HPSE2: variants seen among roughly 807,000 people sequenced by gnomAD.
The protein encoded by HPSE2 is inactive heparanase-2.
In HPSE2, 38 loss-of-function variants were observed where a neutral mutation model predicts 60.5. That is an observed-to-expected ratio of 0.63 (90% confidence interval 0.48 to 0.82). The LOEUF (loss-of-function observed/expected upper bound fraction) is 0.82, where lower values mean the gene tolerates loss of function less well. Ranked by LOEUF, HPSE2 falls within the 40% of genes least tolerant of loss-of-function variation. The pLI is 0.00. For missense variants in HPSE2, 713 were observed against 740.4 expected, an observed-to-expected ratio of 0.96 and a Z score of 0.43; for synonymous variants, 295 against 293.2, an observed-to-expected ratio of 1.01 and a Z score of -0.06.
intron 2 of HPSE2, among the ~76,000 whole-genome samples, chr10:99,159,018 G>C (rs1366712843): frequency 6.6e-6 from 1 of 151,862 alleles, no homozygotes; most frequent in African/African-American, 2.4e-5. Context: ...TGCTTAGAGA[G>C]AAATTTTTAT....
At chr10:98,589,113 G>C (rs909040782) in intron 9 of HPSE2, among the ~76,000 whole-genome samples, 1 of 152,180 alleles carries the variant, frequency 6.6e-6, no homozygotes, top group Admixed American at 6.6e-5. Context: ...CATAGTGTAA[G>C]GACGATGGGT....
rs188490972 is a variant in HPSE2 at position 98,752,028 on chromosome 10, A to G, written c.611-7972T>C. On this transcript the variant is annotated intron_variant, in intron 3 of 11. Coordinates refer to ENST00000370552, the MANE Select transcript of HPSE2 (RefSeq NM_021828.5). ...TTTAAACACAATTCTCAATCTTTCT[A>G]TCAGTCTATTCCATGTATATTTTGG... Among the ~76,000 whole-genome samples, 405 of 152,328 alleles carry G rather than the reference A, an allele frequency of 2.7e-3. 3 individuals carry two copies. Among genetic ancestry groups the G allele is most frequent in the South Asian group, 6.2e-3 (30 of 4,828 alleles).
At position 98,941,414 on chromosome 10, in the gene HPSE2, T is replaced by C. The variant is rs1954996562; in HGVS notation, c.611-197358A>G. On this transcript the variant is annotated intron_variant, in intron 3 of 11. Transcript: ENST00000370552. ...AGGATACAAAATCAATGTACAAAAA[T>C]CACAAGCGTTCTTATACACCAATAA... 1.5e-5 allele frequency among the ~76,000 whole-genome samples: 2 copies of C among 129,716 alleles called. 1 individual carries two copies. Among genetic ancestry groups the C allele is most frequent in the African/African-American group, 6.6e-5 (2 of 30,184 alleles). The allele number at this position is 129,716 out of a possible 152,430, so 85.1% of individuals were successfully genotyped here.
chr10:98,974,721 C>T (rs1434795931), intron 3 of HPSE2, among the ~76,000 whole-genome samples: 1 of 152,126 alleles, frequency 6.6e-6, no homozygotes, highest in Admixed American at 6.5e-5. Flanking sequence ...ATATATTCAT[C>T]ATAAAGTATC....
Position 98,579,424 on chromosome 10 carries a change from C to T in HPSE2, c.1320+35480G>A, listed in dbSNP as rs150715049. Among the ~76,000 whole-genome samples, 202 of 152,294 alleles carry T rather than the reference C, an allele frequency of 1.3e-3. 1 individual carries two copies. Among genetic ancestry groups the T allele is most frequent in the African/African-American group, 4.7e-3 (194 of 41,576 alleles). On this transcript the variant is annotated intron_variant, in intron 9 of 11. Transcript: ENST00000370552. ...GTCTTAGAACAAAAACAGAGTAAGA[C>T]TTGCCAAGGTAGTGCTCTCCATTAC... is the stretch of plus-strand genomic sequence containing the variant.
intron 9 of HPSE2, among the ~76,000 whole-genome samples, chr10:98,546,789 C>A (rs1943693341): frequency 6.6e-6 from 1 of 150,664 alleles, no homozygotes; most frequent in Non-Finnish European, 1.5e-5. Flanking sequence ...GCAACAAAAG[C>A]CAAAATTGAC....
At chr10:99,067,681 T>C (rs1339701407) in intron 3 of HPSE2, among the ~76,000 whole-genome samples, 1 of 152,194 alleles carries the variant, frequency 6.6e-6, no homozygotes, top group Non-Finnish European at 1.5e-5. Context: ...CTGGGCCTAG[T>C]CCACAAAACC....
At chr10:98,802,949 T>C (rs1950950585) in intron 3 of HPSE2, among the ~76,000 whole-genome samples, 1 of 145,990 alleles carries the variant, frequency 6.8e-6, no homozygotes. Context: ...AGTGTAAAAG[T>C]GTTCCTATTT....
chr10:98,740,323 A>C (rs777003295), intron 4 of HPSE2, among the ~76,000 whole-genome samples: 2 of 151,902 alleles, frequency 1.3e-5, no homozygotes, highest in South Asian at 4.2e-4. Flanking sequence ...TCACAGGTGC[A>C]TGCTACCACG....
chr10:99,279,453 A>C, the HPSE2 span, among the ~76,000 whole-genome samples: 1 of 152,246 alleles, frequency 6.6e-6, no homozygotes, highest in African/African-American at 2.4e-5. Flanking sequence ...TGCTTTACTA[A>C]GAGAGATTCC....
intron 3 of HPSE2, among the ~76,000 whole-genome samples, chr10:99,068,217 C>G (rs1334351404): frequency 1.3e-5 from 2 of 152,190 alleles, no homozygotes; most frequent in African/African-American, 4.8e-5. Context: ...CAGTCTCTGC[C>G]TGTTACCCAG....
chr10:98,761,296 G>A (rs575360517), intron 3 of HPSE2, among the ~76,000 whole-genome samples: 64 of 152,088 alleles, frequency 4.2e-4, no homozygotes, highest in Non-Finnish European at 8.7e-4. Flanking sequence ...AGGAAGCTAA[G>A]AGTTGGCTTT....
chr10:99,040,742 A>T (rs1318111412), intron 3 of HPSE2, among the ~76,000 whole-genome samples: 2 of 152,198 alleles, frequency 1.3e-5, no homozygotes, highest in Non-Finnish European at 2.9e-5. Flanking sequence ...TTCATCTGGA[A>T]TTTATATGTG....
intron 3 of HPSE2, among the ~76,000 whole-genome samples, chr10:99,068,282 G>A (rs763590045): frequency 2.6e-5 from 4 of 152,024 alleles, no homozygotes; most frequent in South Asian, 2.1e-4. Context: ...CCCACTACTC[G>A]GTACCAATTT....
intron 3 of HPSE2, among the ~76,000 whole-genome samples, chr10:99,020,733 C>T (rs1326971431): frequency 6.6e-6 from 1 of 152,174 alleles, no homozygotes; most frequent in South Asian, 2.1e-4. Flanking sequence ...ACAAGAAATA[C>T]AGCAGTGTCC....
chr10:98,493,527 T>A (rs532707116), intron 9 of HPSE2, among the ~76,000 whole-genome samples: 1 of 152,188 alleles, frequency 6.6e-6, no homozygotes, highest in East Asian at 1.9e-4. Flanking sequence ...ACTGAAACTT[T>A]TATTAATATA....
At chr10:98,618,057 G>A (rs1217306467) in intron 8 of HPSE2, among the ~76,000 whole-genome samples, 3 of 152,026 alleles carry the variant, frequency 2.0e-5, no homozygotes, top group Admixed American at 1.3e-4. Flanking sequence ...CCCCCGCCAC[G>A]ACAGGAAGCA....
chr10:98,490,767 C>T (rs1039210410), intron 9 of HPSE2, among the ~76,000 whole-genome samples: 2 of 152,168 alleles, frequency 1.3e-5, no homozygotes, highest in African/African-American at 2.4e-5. Flanking sequence ...TTTGCAACCA[C>T]GGTGCTAATT....
intron 3 of HPSE2, among the ~76,000 whole-genome samples, chr10:99,060,972 T>C (rs1301343854): frequency 2.6e-5 from 4 of 151,706 alleles, no homozygotes; most frequent in Admixed American, 1.3e-4. Context: ...GGTAAGAGAG[T>C]CAGGATAGTT....
Sources: allele counts gnomAD v4.1 joint callset (sites outside exome capture counted in the v4.1 genomes callset), GRCh38; gene constraint gnomAD v4.1.1; transcripts MANE v1.5; gene names NCBI Gene and HGNC (gene_info 2026-07-23, HGNC 2026-07-21).